The following SLC24A2 variants were observed in gnomAD, a reference collection of about 807,000 sequenced individuals.
SLC24A2 encodes the protein sodium/potassium/calcium exchanger 2.
In SLC24A2, 36 loss-of-function variants were observed where a neutral mutation model predicts 62.0. The ratio of observed to expected loss-of-function variants is 0.58; its 90% confidence interval spans 0.44 to 0.77. The LOEUF (loss-of-function observed/expected upper bound fraction) is 0.77. Ranked by LOEUF, SLC24A2 falls within the 30% of genes least tolerant of loss-of-function variation. SLC24A2 has a pLI of 0.00. For missense variants in SLC24A2, 846 were observed against 817.9 expected (o/e 1.03, Z -0.42); for synonymous variants, 358 against 294.0 (o/e 1.22, Z -2.23).
At chr9:20,088,114 G>A in the SLC24A2 span, among the ~76,000 whole-genome samples, 1 of 152,200 alleles carries the variant, frequency 6.6e-6, no homozygotes, top group East Asian at 1.9e-4. Flanking sequence ...AGGAAAAGTG[G>A]CTGCAACTCT....
chr9:19,903,977 A>G, the SLC24A2 span, among the ~76,000 whole-genome samples: 1 of 152,200 alleles, frequency 6.6e-6, no homozygotes. Context: ...GGTGGCTGAG[A>G]CCATGGATGT....
the SLC24A2 span, among the ~76,000 whole-genome samples, chr9:20,025,563 G>A: frequency 6.6e-6 from 1 of 152,112 alleles, no homozygotes; most frequent in Non-Finnish European, 1.5e-5. Context: ...AATGATGATT[G>A]CCCACACTTA....
chr9:19,884,180 T>C, the SLC24A2 span, among the ~76,000 whole-genome samples: 2 of 152,226 alleles, frequency 1.3e-5, no homozygotes, highest in African/African-American at 4.8e-5. Context: ...AATGATCTTT[T>C]TACTTAGGAT....
chr9:19,834,544 G>A, the SLC24A2 span, among the ~76,000 whole-genome samples: 3 of 152,248 alleles, frequency 2.0e-5, no homozygotes, highest in Admixed American at 2.0e-4. Context: ...AAAAAGAAAT[G>A]AACAAAGCCT....
chr9:20,200,341 G>C, the SLC24A2 span, among the ~76,000 whole-genome samples: 1 of 152,146 alleles, frequency 6.6e-6, no homozygotes, highest in Non-Finnish European at 1.5e-5. Context: ...ACCTTGCCAG[G>C]TGGGTCAGTA....
chr9:19,803,652 T>A, the SLC24A2 span, among the ~76,000 whole-genome samples: 1 of 152,268 alleles, frequency 6.6e-6, no homozygotes, highest in South Asian at 2.1e-4. Flanking sequence ...CTACTTTTCA[T>A]CAAATAAACA....
At chr9:20,108,362 G>C in the SLC24A2 span, among the ~76,000 whole-genome samples, 1 of 152,052 alleles carries the variant, frequency 6.6e-6, no homozygotes, top group Non-Finnish European at 1.5e-5. Flanking sequence ...ATACCCAAAG[G>C]ACTATAAATC....
At chr9:19,756,586 T>C (rs1170716060) in intron 2 of SLC24A2, among the ~76,000 whole-genome samples, 1 of 152,224 alleles carries the variant, frequency 6.6e-6, no homozygotes, top group Non-Finnish European at 1.5e-5. Flanking sequence ...AGGCCCAGCA[T>C]GGCCCAGCTG....
At chr9:19,604,160 C>T (rs766131448) in intron 4 of SLC24A2, among the ~76,000 whole-genome samples, 34 of 152,142 alleles carry the variant, frequency 2.2e-4, no homozygotes, top group Non-Finnish European at 3.8e-4. Context: ...CCTTTATTAC[C>T]TTTGGTACTG....
At chr9:20,094,941 G>T in the SLC24A2 span, among the ~76,000 whole-genome samples, 2 of 152,012 alleles carry the variant, frequency 1.3e-5, no homozygotes, top group East Asian at 1.9e-4. Flanking sequence ...TCAAGTTTGG[G>T]TGTAGTAGTT....
chr9:20,144,652 T>C, the SLC24A2 span, among the ~76,000 whole-genome samples: 25 of 152,082 alleles, frequency 1.6e-4, no homozygotes, highest in African/African-American at 6.0e-4. Flanking sequence ...CAGTGCACTG[T>C]GGGGGGACCA....
chr9:20,050,233 G>A, the SLC24A2 span, among the ~76,000 whole-genome samples: 1 of 106,606 alleles, frequency 9.4e-6, no homozygotes, highest in Admixed American at 1.2e-4. Flanking sequence ...GTGAAACCCC[G>A]TCTCTACAAA....
intron 7 of SLC24A2, among the ~76,000 whole-genome samples, chr9:19,551,676 C>T (rs1260561411): frequency 6.6e-6 from 1 of 152,160 alleles, no homozygotes; most frequent in Non-Finnish European, 1.5e-5. Context: ...AGTAACAGCG[C>T]CCCCCTCCAG....
intron 2 of SLC24A2, among the ~76,000 whole-genome samples, chr9:19,778,340 C>A (rs145412147): frequency 1.0e-3 from 157 of 152,192 alleles, no homozygotes; most frequent in African/African-American, 3.8e-3. Context: ...TCCTTAGCAG[C>A]CTAAAGACTA....
the SLC24A2 span, among the ~76,000 whole-genome samples, chr9:20,219,931 C>T: frequency 2.6e-5 from 4 of 152,222 alleles, no homozygotes; most frequent in African/African-American, 4.8e-5. Context: ...ATACACAATT[C>T]GAGCTTTGGA....
At chr9:20,305,327 C>T in the SLC24A2 span, among the ~76,000 whole-genome samples, 11 of 151,940 alleles carry the variant, frequency 7.2e-5, no homozygotes, top group African/African-American at 2.7e-4. Context: ...AGGATGGTCT[C>T]GATCTCCTGA....
intron 7 of SLC24A2, among the ~76,000 whole-genome samples, chr9:19,552,801 T>TCTCCAATGC (rs1834909195): frequency 6.6e-6 from 1 of 152,232 alleles, no homozygotes; most frequent in African/African-American, 2.4e-5. Context: ...CCTTTCTCCA[T>TCTCCAATGC]CTGCCAAAGT....
At chr9:19,884,396 G>A in the SLC24A2 span, among the ~76,000 whole-genome samples, 1 of 152,070 alleles carries the variant, frequency 6.6e-6, no homozygotes, top group Non-Finnish European at 1.5e-5. Context: ...TTCTATATCT[G>A]GGTTTTGTGT....
At chr9:19,802,226 AT>A in the SLC24A2 span, among the ~76,000 whole-genome samples, 1 of 152,204 alleles carries the variant, frequency 6.6e-6, no homozygotes, top group East Asian at 1.9e-4. Context: ...TACGTTGTGT[AT>A]TCTTTATAAA....
Sources: gnomAD v4.1 joint callset for allele counts (sites outside exome capture counted in the v4.1 genomes callset) on GRCh38, gnomAD v4.1.1 for gene constraint, MANE v1.5 for transcripts, NCBI Gene and HGNC (gene_info 2026-07-23, HGNC 2026-07-21) for gene names.